Variants in UPF3A observed in about 807,000 individuals in gnomAD.
The protein encoded by UPF3A is UPF3A regulator of nonsense mediated mRNA decay.
Under a neutral mutation model 53.5 loss-of-function variants are expected in UPF3A, and 42 were observed. The ratio of observed to expected loss-of-function variants is 0.78; its 90% CI spans 0.61 to 1.01. UPF3A has a LOEUF of 1.01. UPF3A is among the 50% of genes least tolerant of loss of function. The pLI is 0.00. For synonymous variants in UPF3A, 237 were observed against 225.3 expected (o/e 1.05, Z -0.47); for missense variants, 575 against 598.0 (o/e 0.96, Z 0.40).
chr13:114,284,031 T>C, intron 3 of UPF3A: 1 of 985,462 alleles, frequency 1.0e-6, no homozygotes. Context: ...TCATTGCTCA[T>C]TTATTCAGTA....
Position 114,282,059 on chromosome 13 carries a change from G to A in UPF3A, c.246G>A (p.Glu82=). 6.3e-7 allele frequency: 1 copy of A among 1,578,552 alleles called. No individual in the cohort carries two copies. The highest frequency in any genetic ancestry group is 1.2e-5 in the South Asian group (1 of 86,710). The part of the protein sequence containing the change: ...IRRLPPGLTK[E]QLEEQLRPLP... ...GCCTGCCTCCGGGCCTCACCAAGGAGCAGCTGGAGGAGCAGCTGCGCCCGC... is the reference window on the plus strand; with the variant it reads ...GCCTGCCTCCGGGCCTCACCAAGGAACAGCTGGAGGAGCAGCTGCGCCCGC... Residue 82 remains glutamate, a synonymous_variant, in exon 2 of 10, where the codon GAG becomes GAA. Coordinates refer to ENST00000375299, the MANE Select transcript of UPF3A (RefSeq NM_023011.4).
intron 7 of UPF3A, among the ~76,000 whole-genome samples, chr13:114,294,590 C>T (rs2085650109): frequency 6.6e-6 from 1 of 152,202 alleles, no homozygotes; most frequent in Non-Finnish European, 1.5e-5. Context: ...GTTTGGGAGG[C>T]CGAGGCGGGC....
At chr13:114,298,163 G>C (rs2086237475) in intron 7 of UPF3A, among the ~76,000 whole-genome samples, 1 of 152,170 alleles carries the variant, frequency 6.6e-6, no homozygotes, top group African/African-American at 2.4e-5. Flanking sequence ...CCTGAGGTCA[G>C]GGGTTTGAGA....
In UPF3A at chr13:114,283,774, C is replaced by G. The variant is rs1033995596; in HGVS notation, c.421+831C>G. The G allele has an allele frequency of 9.1e-6, 9 of 985,436 alleles. No homozygotes were observed. In the African/African-American group the frequency reaches 1.4e-4, roughly 15 times the overall value. 61.0% of individuals were successfully genotyped at this position (985,436 alleles called of 1,614,324 possible). On this transcript the variant is annotated intron_variant, in intron 3 of 9. Coordinates refer to ENST00000375299, the MANE Select transcript of UPF3A (RefSeq NM_023011.4). ...GTTCTGCTTTCATCTTTTTCCTTCT[C>G]TTCTCCTGTCAGGCTGTCTGCTGTT...
chr13:114,298,764 T>C, intron 7 of UPF3A, 76 bp from the exon 8 acceptor site: 1 of 1,325,688 alleles, frequency 7.5e-7, no homozygotes, highest in Non-Finnish European at 9.9e-7. Context: ...TGGGGTATAT[T>C]TGTAATTATT....
In UPF3A at chr13:114,282,120, G is replaced by T. The variant is rs1566718817; in HGVS notation, c.307G>T (p.Asp103Tyr). The T allele has an allele frequency of 6.4e-7, 1 of 1,558,730 alleles. No homozygotes were observed. The highest frequency in any genetic ancestry group is 1.4e-5 in the African/African-American group (1 of 73,610). The change falls in exon 2 of 10, where the codon GAC becomes TAC. Residue 103 changes from aspartate to tyrosine, a missense_variant. By Grantham distance (160) the Asp-to-Tyr change is radical (BLOSUM62 -3). Coordinates refer to ENST00000375299, the MANE Select transcript of UPF3A (RefSeq NM_023011.4). ...AHDYFEFFAADLSLYPHLYSR... is the reference protein window; with the variant it reads ...AHDYFEFFAAYLSLYPHLYSR... ...CGACTACTTCGAGTTCTTCGCCGCCGACCTGAGGTGAGGCCCGCCCCGAGG... is the reference window on the plus strand; with the variant it reads ...CGACTACTTCGAGTTCTTCGCCGCCTACCTGAGGTGAGGCCCGCCCCGAGG...
intron 2 of UPF3A, 175 bp downstream of exon 2, chr13:114,282,302 A>C (rs1296625090): frequency 2.4e-6 from 2 of 844,558 alleles, no homozygotes; most frequent in East Asian, 5.9e-5. Context: ...AAATACCACC[A>C]ACAAAGAAAC....
At chr13:114,297,492 C>T (rs952515844) in intron 7 of UPF3A, among the ~76,000 whole-genome samples, 1 of 152,072 alleles carries the variant, frequency 6.6e-6, no homozygotes, top group Non-Finnish European at 1.5e-5. Context: ...AAACTAGACC[C>T]TATAGATGAA....
At chr13:114,297,222 G>T (rs9525318) in intron 7 of UPF3A, among the ~76,000 whole-genome samples, 4,180 of 124,570 alleles carry the variant, frequency 0.034, 204 homozygotes, top group African/African-American at 0.11. Context: ...TGGTGCTTCC[G>T]TTTTTTTTTT....
chr13:114,300,060 C>T (rs574407970), intron 8 of UPF3A, among the ~76,000 whole-genome samples: 10 of 152,320 alleles, frequency 6.6e-5, no homozygotes, highest in Admixed American at 4.6e-4. Context: ...GGTGTTGTTA[C>T]TGTGACAGTT....
chr13:114,304,715 A>G, intron 9 of UPF3A, 74 bp from the exon 10 acceptor site: 1 of 1,541,682 alleles, frequency 6.5e-7, no homozygotes, highest in Non-Finnish European at 8.7e-7. Flanking sequence ...ATCAAGTTCT[A>G]GAAATATAGG....
intron 7 of UPF3A, among the ~76,000 whole-genome samples, chr13:114,294,229 C>A (rs569219418): frequency 1.3e-5 from 2 of 151,138 alleles, no homozygotes; most frequent in Non-Finnish European, 2.9e-5. Flanking sequence ...TAAAGAAAGA[C>A]AGATGGCTCA....
At position 114,305,672 on chromosome 13, in the gene UPF3A, T is replaced by C. The variant is rs532823670; in HGVS notation, c.*755T>C. On this transcript the variant is annotated 3_prime_UTR_variant, in exon 10 of 10. Coordinates refer to ENST00000375299, the MANE Select transcript of UPF3A (RefSeq NM_023011.4). The stretch of plus-strand genomic sequence containing the variant: ...GCCTGTTTTTGAGTTTTAGATACTT[T>C]ATTTGTAAATAACTTAAAATAGCTT... 1.2e-3 allele frequency: 186 copies of C among 152,374 alleles called. No homozygotes were observed. Among genetic ancestry groups the C allele is most frequent in the African/African-American group, 4.1e-3 (170 of 41,578 alleles). 9.4% of individuals were successfully genotyped at this position (152,374 alleles called of 1,614,324 possible).
At position 114,301,765 on chromosome 13, in the gene UPF3A, G is replaced by C; in HGVS notation, c.1042G>C (p.Val348Leu). Residue 348 changes from valine (V) to leucine (L), a missense_variant, in exon 9 of 10, where the codon GTG becomes CTG. Physicochemically the swap from Val to Leu is conservative, Grantham distance 32. This residue lies in a region of UPF3A where 323 missense variants were observed against 415.2 expected (regional missense o/e 0.78). Transcript: ENST00000375299. ...HSGSDKEHRD[V>L]ERSQEQESEA... ...CGGCAGTGATAAAGAGCACAGGGAT[G>C]TGGAGAGATCTCAAGAACAAGAATC... 1 of 1,613,972 alleles carries C rather than the reference G, an allele frequency of 6.2e-7. No individual in the cohort carries two copies. Among genetic ancestry groups the C allele is most frequent in the Non-Finnish European group, 8.5e-7 (1 of 1,179,864 alleles).
intron 9 of UPF3A, among the ~76,000 whole-genome samples, chr13:114,302,844 A>G (rs915257182): frequency 6.6e-6 from 1 of 152,188 alleles, no homozygotes; most frequent in African/African-American, 2.4e-5. Flanking sequence ...GCTCACACCT[A>G]TAATCCCAGC....
intron 2 of UPF3A, chr13:114,282,422 C>T (rs886560085): frequency 1.0e-6 from 1 of 984,720 alleles, no homozygotes; most frequent in Admixed American, 6.2e-5. Flanking sequence ...TCCCGGGCTT[C>T]CCTGCTCGTC....
chr13:114,292,744 C>T (rs1195322916), intron 7 of UPF3A, among the ~76,000 whole-genome samples: 1 of 152,124 alleles, frequency 6.6e-6, no homozygotes, highest in African/African-American at 2.4e-5. Flanking sequence ...GTAATCAGCA[C>T]AGTACCTGAT....
intron 5 of UPF3A, among the ~76,000 whole-genome samples, chr13:114,290,865 C>T (rs963826118): frequency 6.6e-6 from 1 of 151,758 alleles, no homozygotes; most frequent in Non-Finnish European, 1.5e-5. Context: ...TCCCGAGTAG[C>T]TGGGATTATA....
intron 5 of UPF3A, chr13:114,286,877 C>T (rs1249578448): frequency 6.8e-5 from 32 of 467,278 alleles, no homozygotes; most frequent in African/African-American, 1.4e-4. Flanking sequence ...ATGATGCTTC[C>T]GAATGAGCAG....
Sources: allele counts gnomAD v4.1 joint callset (sites outside exome capture counted in the v4.1 genomes callset), GRCh38; gene constraint gnomAD v4.1.1; regional missense constraint gnomAD v4.1.1; transcripts MANE v1.5; gene names NCBI Gene and HGNC (gene_info 2026-07-23, HGNC 2026-07-21).